TANC2: variants seen among roughly 807,000 people sequenced by gnomAD.
TANC2 encodes the protein protein TANC2.
A neutral mutation model predicts 210.5 loss-of-function variants in TANC2; 26 were observed. The observed-to-expected ratio is 0.12, with a 90% CI of 0.09 to 0.17. The LOEUF is 0.17. TANC2 is among the 10% of genes least tolerant of loss of function. The pLI, the probability that TANC2 is intolerant of heterozygous loss-of-function variation, is 1.00. For missense variants in TANC2, 2,129 were observed against 2,608.9 expected, an observed-to-expected ratio of 0.82 and a Z score of 4.01; for synonymous variants, 931 against 967.1, an observed-to-expected ratio of 0.96 and a Z score of 0.69.
chr17:63,373,004 C>A (rs1274994189), intron 14 of TANC2, among the ~76,000 whole-genome samples: 1 of 150,908 alleles, frequency 6.6e-6, no homozygotes, highest in Non-Finnish European at 1.5e-5. Context: ...AAGTGATCCT[C>A]CCACCTCAGC....
At chr17:63,033,636 A>G (rs1405271201) in intron 2 of TANC2, among the ~76,000 whole-genome samples, 1 of 152,142 alleles carries the variant, frequency 6.6e-6, no homozygotes, top group Admixed American at 6.6e-5. Flanking sequence ...CTTACATTCA[A>G]GGACAACACC....
At chr17:63,323,712 C>A (rs752402201) in intron 11 of TANC2, among the ~76,000 whole-genome samples, 1 of 152,162 alleles carries the variant, frequency 6.6e-6, no homozygotes, top group Non-Finnish European at 1.5e-5. Flanking sequence ...CTATGAGGTA[C>A]ATCATTATCT....
At chr17:63,289,296 TC>T (rs2044314969) in intron 9 of TANC2, among the ~76,000 whole-genome samples, 1 of 152,166 alleles carries the variant, frequency 6.6e-6, no homozygotes, top group Non-Finnish European at 1.5e-5. Flanking sequence ...CTTCTGGTAT[TC>T]CCCATTATGC....
Position 63,420,090 on chromosome 17 carries a change from G to A in TANC2, c.4360G>A (p.Glu1454Lys), listed in dbSNP as rs1420237316. ...CCAGAGACTTCTGCTGAGAGTGGAA[G>A]AAGAGTGTAGACAGATGCAGCAGCC... The change falls in exon 28 of 28, where the codon GAA becomes AAA. Residue 1454 changes from glutamate to lysine, a missense_variant. Physicochemically the swap from Glu to Lys is moderately conservative, Grantham distance 56. Around this residue, in one of 5 missense-constraint regions of TANC2, gnomAD observed 584 missense variants for 627.3 expected, o/e 0.93. Transcript: ENST00000689528. This position sits in a 1 kb window ranked among gnomAD's most constrained non-coding sequence, Gnocchi z 4.2. 3 of 1,552,244 alleles carry A rather than the reference G, an allele frequency of 1.9e-6. No homozygotes were observed. The highest frequency in any genetic ancestry group is 2.6e-6 in the Non-Finnish European group (3 of 1,147,170).
chr17:63,258,055 C>CGA (rs1438975238), intron 8 of TANC2, among the ~76,000 whole-genome samples: 1 of 152,268 alleles, frequency 6.6e-6, no homozygotes, highest in East Asian at 1.9e-4. Flanking sequence ...TTAATTAAAT[C>CGA]TCTTAGCTTT....
At chr17:63,148,888 A>G (rs1002684685) in intron 4 of TANC2, 3 of 152,146 alleles carry the variant, frequency 2.0e-5, no homozygotes, top group African/African-American at 7.2e-5. Flanking sequence ...TGTTCAACTT[A>G]TCATATCTGT....
intron 7 of TANC2, among the ~76,000 whole-genome samples, chr17:63,217,121 G>A (rs539754157): frequency 6.6e-6 from 1 of 152,278 alleles, no homozygotes; most frequent in South Asian, 2.1e-4. Flanking sequence ...TAGAAAGCAA[G>A]TTTTTAAATC....
At chr17:63,036,845 GT>G (rs542320358) in intron 2 of TANC2, among the ~76,000 whole-genome samples, 687 of 133,940 alleles carry the variant, frequency 5.1e-3, no homozygotes, top group Middle Eastern at 8.0e-3. Context: ...TTACATGTAA[GT>G]TTTTTTTTTT....
At chr17:63,161,679 C>T (rs2040030351) in intron 5 of TANC2, among the ~76,000 whole-genome samples, 1 of 152,134 alleles carries the variant, frequency 6.6e-6, no homozygotes, top group Admixed American at 6.5e-5. Context: ...CCATAGATAT[C>T]TTCTCTGTGC....
rs2041140499 is a variant in TANC2 at position 63,190,317 on chromosome 17, G to A, written c.434-3674G>A. On this transcript the variant is annotated intron_variant, in intron 5 of 27. Coordinates refer to ENST00000689528, the Ensembl canonical transcript of TANC2. ...GTTGTACCACTGCATTCCAGCCTGGGCAACAGAGCGAGACCCTGTCCTAGA... is the reference window on the plus strand; with the variant it reads ...GTTGTACCACTGCATTCCAGCCTGGACAACAGAGCGAGACCCTGTCCTAGA... Among the ~76,000 whole-genome samples, 5 of 150,772 alleles carry A rather than the reference G, an allele frequency of 3.3e-5. 1 individual carries two copies. In the South Asian group the frequency reaches 1.0e-3, roughly 32 times the overall value.
intron 7 of TANC2, among the ~76,000 whole-genome samples, chr17:63,203,350 A>G (rs1319496136): frequency 2.0e-5 from 3 of 152,190 alleles, no homozygotes; most frequent in Non-Finnish European, 4.4e-5. Flanking sequence ...ATGAATATCT[A>G]TACATTTTAT....
chr17:63,396,112 A>G (rs2048148268), intron 18 of TANC2, 184 bp downstream of exon 18: 1 of 594,234 alleles, frequency 1.7e-6, no homozygotes, highest in Non-Finnish European at 2.9e-6. Context: ...AGTCCCTCAA[A>G]TTATAGGTAT....
At chr17:63,159,956 G>C (rs2145470849) in intron 5 of TANC2, among the ~76,000 whole-genome samples, 1 of 152,354 alleles carries the variant, frequency 6.6e-6, no homozygotes, top group South Asian at 2.1e-4. Context: ...GGTTCTGGCT[G>C]ATTCAGTTTT....
chr17:63,053,079 T>G (rs753518918), intron 2 of TANC2, among the ~76,000 whole-genome samples: 5 of 152,222 alleles, frequency 3.3e-5, no homozygotes, highest in Non-Finnish European at 7.3e-5. Context: ...ATAGGGTAGT[T>G]TTCTTCAGTA....
intron 9 of TANC2, among the ~76,000 whole-genome samples, chr17:63,281,057 TAAG>T (rs1215070099): frequency 6.6e-6 from 1 of 152,064 alleles, no homozygotes; most frequent in Non-Finnish European, 1.5e-5. Context: ...GGATAACAAT[TAAG>T]AATTATGAAC....
chr17:63,070,922 A>G (rs1029401748), intron 2 of TANC2, among the ~76,000 whole-genome samples: 1 of 152,158 alleles, frequency 6.6e-6, no homozygotes, highest in Non-Finnish European at 1.5e-5. Flanking sequence ...TGTTTCTCAC[A>G]ATGTAATTTC....
rs75943285 is a variant in TANC2, at chr17:63,397,729, A to G, written c.3238-1092A>G. On this transcript the variant is annotated intron_variant, in intron 18 of 27. Transcript: ENST00000689528. ...CCATGCAGACAAGACATGCACAATC[A>G]ATATAAATAACCTCAACAGCATAGA... is the stretch of plus-strand genomic sequence containing the variant. 1.3e-4 allele frequency among the ~76,000 whole-genome samples: 20 copies of G among 152,384 alleles called. No individual in the cohort carries two copies. The East Asian group carries it at 3.7e-3, about 28-fold the overall frequency.
chr17:63,329,557 C>T (rs192387399), intron 11 of TANC2, among the ~76,000 whole-genome samples: 1 of 152,260 alleles, frequency 6.6e-6, no homozygotes, highest in Admixed American at 6.5e-5. Context: ...TTTCTGAGAG[C>T]ATGTGTTTGC....
At chr17:62,976,878 T>C (rs2032033220) in intron 1 of TANC2, among the ~76,000 whole-genome samples, 1 of 152,204 alleles carries the variant, frequency 6.6e-6, no homozygotes, top group South Asian at 2.1e-4. Flanking sequence ...ACTTCCTCCT[T>C]CCTTTGTTCT....
Sources: allele counts gnomAD v4.1 joint callset (sites outside exome capture counted in the v4.1 genomes callset), GRCh38; gene constraint gnomAD v4.1.1; regional missense constraint gnomAD v4.1.1; non-coding constraint Gnocchi (gnomAD v3.1); transcripts MANE v1.5; gene names NCBI Gene and HGNC (gene_info 2026-07-23, HGNC 2026-07-21).